The following ANOS1 variants were observed in gnomAD, a reference collection of about 807,000 sequenced individuals.
ANOS1 encodes the protein anosmin 1.
Under a neutral mutation model 59.0 loss-of-function variants are expected in ANOS1, and 6 were observed. The observed-to-expected ratio is 0.10, with a 90% confidence interval of 0.06 to 0.20. The LOEUF (loss-of-function observed/expected upper bound fraction) is 0.20. ANOS1 is among the 10% of genes least tolerant of loss of function. ANOS1 has a pLI of 1.00. For missense variants in ANOS1, 433 were observed against 542.3 expected (o/e 0.80, Z 2.00); for synonymous variants, 217 against 223.4 (o/e 0.97, Z 0.25).
At chrX:8,661,622 T>C (rs188120304) in intron 2 of ANOS1, among the ~76,000 whole-genome samples, 1 of 112,079 alleles carries the variant, frequency 8.9e-6, no homozygotes, top group African/African-American at 3.2e-5. Flanking sequence ...TGTTTGATTT[T>C]AATGCAGGAT....
chrX:8,705,171 C>T (rs1602034943), intron 1 of ANOS1, among the ~76,000 whole-genome samples: 1 of 110,968 alleles, frequency 9.0e-6, no homozygotes, highest in Admixed American at 9.7e-5. Context: ...TATCTAATTG[C>T]GGATTGTTCA....
At chrX:8,563,673 C>T in intron 8 of ANOS1, among the ~76,000 whole-genome samples, 1 of 112,297 alleles carries the variant, frequency 8.9e-6, no homozygotes, top group African/African-American at 3.2e-5. Flanking sequence ...GAGTGTGGCA[C>T]AGAGCTGGTT....
At chrX:8,658,945 G>GT (rs1162544799) in intron 2 of ANOS1, among the ~76,000 whole-genome samples, 6 of 111,128 alleles carry the variant, frequency 5.4e-5, no homozygotes, top group African/African-American at 1.6e-4. Flanking sequence ...AATTAGCAGG[G>GT]AGGCCAGGCA....
chrX:8,715,506 C>T (rs758385539), intron 1 of ANOS1, among the ~76,000 whole-genome samples: 11 of 106,506 alleles, frequency 1.0e-4, no homozygotes, highest in Non-Finnish European at 1.9e-4. Flanking sequence ...CTCAAATTCC[C>T]GAACTCAAGT....
intron 9 of ANOS1, among the ~76,000 whole-genome samples, chrX:8,544,297 C>A (rs1472794480): frequency 2.1e-5 from 2 of 94,828 alleles, no homozygotes; most frequent in African/African-American, 8.0e-5. Context: ...GGGAAGGGGG[C>A]ACACACTTAG....
chrX:8,713,295 G>C (rs1371499813), intron 1 of ANOS1, among the ~76,000 whole-genome samples: 1 of 110,065 alleles, frequency 9.1e-6, no homozygotes, highest in African/African-American at 3.3e-5. Context: ...CAGTTCCAAA[G>C]CTAGAACTTG....
intron 4 of ANOS1, among the ~76,000 whole-genome samples, chrX:8,592,402 C>G (rs898923479): frequency 1.8e-5 from 2 of 111,901 alleles, no homozygotes; most frequent in African/African-American, 6.5e-5. Context: ...ATGATCGGGT[C>G]TTTTTGAAAA....
At chrX:8,598,834 T>C (rs1173966009) in intron 3 of ANOS1, among the ~76,000 whole-genome samples, 1 of 112,482 alleles carries the variant, frequency 8.9e-6, no homozygotes, top group Non-Finnish European at 1.9e-5. Flanking sequence ...GGAATGCCTG[T>C]GCATAGCCAG....
At chrX:8,697,643 T>C (rs1932702860) in intron 2 of ANOS1, among the ~76,000 whole-genome samples, 1 of 112,202 alleles carries the variant, frequency 8.9e-6, no homozygotes, top group African/African-American at 3.2e-5. Flanking sequence ...GAAAACATTA[T>C]GCAAACCTAA....
chrX:8,601,007 A>G (rs56934541), intron 3 of ANOS1, among the ~76,000 whole-genome samples: 8,636 of 109,306 alleles, frequency 0.079, 291 homozygotes, highest in Admixed American at 0.13. Context: ...TGGCTAACAC[A>G]GTGAAACCCT....
chrX:8,717,106 A>C (rs6640219), intron 1 of ANOS1, among the ~76,000 whole-genome samples: 1 of 109,900 alleles, frequency 9.1e-6, no homozygotes, highest in Non-Finnish European at 1.9e-5. Context: ...ACAGTGTCAT[A>C]GTTGACAAAC....
At chrX:8,712,012 A>G (rs1206941289) in intron 1 of ANOS1, among the ~76,000 whole-genome samples, 2 of 112,789 alleles carry the variant, frequency 1.8e-5, no homozygotes, top group African/African-American at 6.4e-5. Flanking sequence ...ACATTGAAAT[A>G]TATGACTTTG....
At chrX:8,599,069 G>A in intron 3 of ANOS1, among the ~76,000 whole-genome samples, 1 of 111,769 alleles carries the variant, frequency 8.9e-6, no homozygotes, top group Non-Finnish European at 1.9e-5. Flanking sequence ...TGCCCATATG[G>A]AGAAGGACAG....
chrX:8,542,069 T>TA (rs981934866), intron 9 of ANOS1, among the ~76,000 whole-genome samples: 1 of 101,725 alleles, frequency 9.8e-6, no homozygotes, highest in Non-Finnish European at 2.0e-5. Context: ...TTGTTAGCCC[T>TA]AAATCTCGCC....
chrX:8,654,339 G>A (rs975998259), intron 2 of ANOS1, among the ~76,000 whole-genome samples: 1 of 112,069 alleles, frequency 8.9e-6, no homozygotes, highest in Non-Finnish European at 1.9e-5. Flanking sequence ...CAAAGGAATA[G>A]AATTCCATAA....
At chrX:8,708,753 C>T (rs1396001380) in intron 1 of ANOS1, among the ~76,000 whole-genome samples, 2 of 111,861 alleles carry the variant, frequency 1.8e-5, no homozygotes, top group Admixed American at 9.5e-5. Context: ...CCCAGCAATC[C>T]CATTACTGGG....
chrX:8,610,006 C>CAAAAAAAAAAAAAAAAAAA (rs1167209336), intron 3 of ANOS1, among the ~76,000 whole-genome samples: 5 of 9,163 alleles, frequency 5.5e-4, no homozygotes, highest in African/African-American at 1.1e-3. Flanking sequence ...GACTCCATCT[C>CAAAAAAAAAAAAAAAAAAA]AAAAAAAAAA....
chrX:8,620,380 G>C (rs544965738), intron 3 of ANOS1, among the ~76,000 whole-genome samples: 60 of 111,931 alleles, frequency 5.4e-4, no homozygotes, highest in African/African-American at 1.9e-3. Flanking sequence ...AAACATACCG[G>C]GCCGAACATG....
intron 8 of ANOS1, among the ~76,000 whole-genome samples, chrX:8,556,813 A>G (rs1929957405): frequency 8.9e-6 from 1 of 112,254 alleles, no homozygotes; most frequent in South Asian, 3.7e-4. Flanking sequence ...TCTTTACAGA[A>G]TTAGAAAAAA....
Sources: allele counts gnomAD v4.1 joint callset (sites outside exome capture counted in the v4.1 genomes callset), GRCh38; gene constraint gnomAD v4.1.1; transcripts MANE v1.5; gene names NCBI Gene and HGNC (gene_info 2026-07-23, HGNC 2026-07-21).